ZFYVE1: variants seen among roughly 807,000 people sequenced by gnomAD.
ZFYVE1 encodes zinc finger FYVE domain-containing protein 1.
A neutral mutation model predicts 74.4 loss-of-function variants in ZFYVE1; 30 were observed. The ratio of observed to expected loss-of-function variants is 0.40; its 90% CI spans 0.30 to 0.55. ZFYVE1 has a LOEUF of 0.55. Ranked by LOEUF, ZFYVE1 falls within the 20% of genes least tolerant of loss-of-function variation. The pLI is 0.42. For missense variants in ZFYVE1, 703 were observed against 1,011.6 expected (o/e 0.69, Z 4.14); for synonymous variants, 335 against 385.1 (o/e 0.87, Z 1.52).
rs759890182 is a variant in ZFYVE1, at chr14:72,977,947, T to A, written c.1615A>T (p.Ile539Phe). 6.2e-7 allele frequency: 1 copy of A among 1,613,946 alleles called. No homozygotes were observed. The highest frequency in any genetic ancestry group is 8.5e-7 in the Non-Finnish European group (1 of 1,180,014). The change falls in exon 8 of 12, where the codon ATT (isoleucine) becomes TTT (phenylalanine). Residue 539 changes from isoleucine to phenylalanine, a missense_variant. By Grantham distance (21) the Ile-to-Phe change is conservative (BLOSUM62 0). This residue lies in a region of ZFYVE1 where 492 missense variants were observed against 790.0 expected (regional missense o/e 0.62). Coordinates refer to ENST00000556143, the MANE Select transcript of ZFYVE1 (RefSeq NM_021260.4). ...CTTACTCCAGGCCACACATGCACAA[T>A]CTCTGTCCGCACCACCGTATCCACA... ...DPVDTVVRTEIVHVWPGTDGF... is the reference protein window; with the variant it reads ...DPVDTVVRTEFVHVWPGTDGF...
At chr14:72,971,187 C>G in intron 11 of ZFYVE1, 73 bp from the exon 12 acceptor site, 2 of 1,479,556 alleles carry the variant, frequency 1.4e-6, no homozygotes, top group East Asian at 4.6e-5. Flanking sequence ...AGGCCATCCT[C>G]GGATGCTTAC....
At chr14:73,026,589 C>A (rs1894466010) in intron 1 of ZFYVE1, among the ~76,000 whole-genome samples, 1 of 152,190 alleles carries the variant, frequency 6.6e-6, no homozygotes, top group Non-Finnish European at 1.5e-5. Context: ...GTACACCTCA[C>A]GCCCGGCCAT....
At chr14:73,021,737 G>C (rs144204101) in intron 2 of ZFYVE1, among the ~76,000 whole-genome samples, 1 of 152,154 alleles carries the variant, frequency 6.6e-6, no homozygotes, top group East Asian at 1.9e-4. Context: ...GAGGAAATGT[G>C]GGAAGAATCT....
At chr14:72,986,891 C>G in intron 4 of ZFYVE1, 2 of 985,376 alleles carry the variant, frequency 2.0e-6, no homozygotes, top group Non-Finnish European at 2.4e-6. Flanking sequence ...AAATTCCAAA[C>G]CTCACATCAT....
At chr14:73,008,823 G>A (rs1367463746) in intron 2 of ZFYVE1, among the ~76,000 whole-genome samples, 1 of 152,116 alleles carries the variant, frequency 6.6e-6, no homozygotes, top group African/African-American at 2.4e-5. Context: ...TGATTCTGAG[G>A]GCTAAGAAAG....
chr14:72,974,687 G>T (rs1893119924), intron 10 of ZFYVE1, 92 bp downstream of exon 10: 1 of 1,467,478 alleles, frequency 6.8e-7, no homozygotes, highest in Non-Finnish European at 9.2e-7. Context: ...GGGAGATGTG[G>T]ATTAGGGCAT....
Position 72,974,790 on chromosome 14 carries a change from T to C in ZFYVE1, c.1976A>G (p.Asn659Ser), listed in dbSNP as rs1242249178. 1.9e-6 allele frequency: 3 copies of C among 1,599,654 alleles called. No homozygotes were observed. The highest frequency in any genetic ancestry group is 1.3e-5 in the African/African-American group (1 of 74,654). Residue 659 changes from asparagine (N) to serine (S), a missense_variant, in exon 10 of 12, where the codon AAC (asparagine) becomes AGC (serine). Asn to Ser is a conservative substitution (Grantham distance 46). Coordinates refer to ENST00000556143, the MANE Select transcript of ZFYVE1 (RefSeq NM_021260.4). ...AGGTCCCACGTTACCTAACTGGACGTTCCTGGCTTCGTAGCAGTTGTCACA... is the reference window on the plus strand; with the variant it reads ...AGGTCCCACGTTACCTAACTGGACGCTCCTGGCTTCGTAGCAGTTGTCACA... The part of the protein sequence containing the change: ...RVCDNCYEAR[N>S]VQLAVTEAQV...
rs912977256 is a variant in ZFYVE1, at chr14:73,026,918, G to T, written c.-435+8C>A. The stretch of plus-strand genomic sequence containing the variant: ...CCTGCCCTGCCCGCCGCGGCCCGGG[G>T]ATCCCACCACTGAGAAGCTCGGCCG... On this transcript the variant is annotated splice_region_variant and intron_variant, in intron 1 of 11. Transcript: ENST00000556143. The T allele has an allele frequency of 5.0e-5, 20 of 397,984 alleles. No homozygotes were observed. The highest frequency in any genetic ancestry group is 3.5e-4 in the Admixed American group (8 of 22,676). 24.7% of individuals were successfully genotyped at this position (397,984 alleles called of 1,614,324 possible).
At chr14:73,010,279 A>G (rs1449251563) in intron 2 of ZFYVE1, among the ~76,000 whole-genome samples, 3 of 152,108 alleles carry the variant, frequency 2.0e-5, no homozygotes, top group African/African-American at 7.2e-5. Context: ...TAGGCTGGCC[A>G]TCATGGTGAA....
At chr14:73,006,905 C>T (rs1243436028) in intron 2 of ZFYVE1, among the ~76,000 whole-genome samples, 3 of 151,682 alleles carry the variant, frequency 2.0e-5, no homozygotes, top group Non-Finnish European at 4.4e-5. Context: ...TTAGTAGAGA[C>T]AGGGTTTATG....
chr14:73,027,076 C>G lies in ZFYVE1; in HGVS notation c.-585G>C, dbSNP rs1894480604. ...GTTGCCTCCCGGGCTTCCTCCTCTC[C>G]TGTTGTCAGTTGGGATCAGCTGATC... is the stretch of plus-strand genomic sequence containing the variant. On this transcript the variant is annotated 5_prime_UTR_variant, in exon 1 of 12. Coordinates refer to ENST00000556143, the MANE Select transcript of ZFYVE1 (RefSeq NM_021260.4). 1 of 399,264 alleles carries G rather than the reference C, an allele frequency of 2.5e-6. No homozygotes were observed. The highest frequency in any genetic ancestry group is 1.3e-4 in the South Asian group (1 of 7,886). The allele number at this position is 399,264 out of a possible 1,614,324, so 24.7% of individuals were successfully genotyped here.
At chr14:72,990,109 A>G (rs1893572943) in intron 4 of ZFYVE1, among the ~76,000 whole-genome samples, 1 of 152,234 alleles carries the variant, frequency 6.6e-6, no homozygotes, top group Non-Finnish European at 1.5e-5. Flanking sequence ...TGGCTATTAG[A>G]GTGATAACCA....
At position 73,024,710 on chromosome 14, in the gene ZFYVE1, G is replaced by T; in HGVS notation, c.-202C>A. 1 of 678,528 alleles carries T rather than the reference G, an allele frequency of 1.5e-6. No individual in the cohort carries two copies. Among genetic ancestry groups the T allele is most frequent in the Non-Finnish European group, 2.3e-6 (1 of 437,564 alleles). The allele number at this position is 678,528 out of a possible 1,614,324, so 42.0% of individuals were successfully genotyped here. ...TTAATTTGCTGCCTCTAAGACTCTT[G>T]TATTAGCAGCAACGTTGATTTGGTT... On this transcript the variant is annotated 5_prime_UTR_variant, in exon 2 of 12. Coordinates refer to ENST00000556143, the MANE Select transcript of ZFYVE1 (RefSeq NM_021260.4).
chr14:73,020,818 C>T (rs902128297), intron 2 of ZFYVE1, among the ~76,000 whole-genome samples: 4 of 152,136 alleles, frequency 2.6e-5, no homozygotes, highest in Non-Finnish European at 5.9e-5. Context: ...CTACTGAAAA[C>T]ACAAAAATTA....
chr14:73,008,983 C>T (rs879362884), intron 2 of ZFYVE1, among the ~76,000 whole-genome samples: 5 of 152,188 alleles, frequency 3.3e-5, no homozygotes, highest in Non-Finnish European at 2.9e-5. Flanking sequence ...ACTCTTCCAG[C>T]GCTAAACACC....
At chr14:72,972,195 T>TA (rs755242188) in intron 11 of ZFYVE1, among the ~76,000 whole-genome samples, 1 of 151,512 alleles carries the variant, frequency 6.6e-6, no homozygotes, top group Non-Finnish European at 1.5e-5. Context: ...GCCTGGACAA[T>TA]AGCGAGAGTC....
At position 72,970,052 on chromosome 14, in the gene ZFYVE1, A is replaced by G; in HGVS notation, c.*830T>C. ...CGAGGGGTGGGAGGCAGATGCTTCGATTGAGGAGCTGGGTGCCGCCTTTTG... is the reference window on the plus strand; with the variant it reads ...CGAGGGGTGGGAGGCAGATGCTTCGGTTGAGGAGCTGGGTGCCGCCTTTTG... On this transcript the variant is annotated 3_prime_UTR_variant, in exon 12 of 12. Coordinates refer to ENST00000556143, the MANE Select transcript of ZFYVE1 (RefSeq NM_021260.4). 2.7e-6 allele frequency: 1 copy of G among 364,322 alleles called. No individual in the cohort carries two copies. Among genetic ancestry groups the G allele is most frequent in the Admixed American group, 4.4e-5 (1 of 22,530 alleles). The allele number at this position is 364,322 out of a possible 1,614,324, so 22.6% of individuals were successfully genotyped here.
At chr14:73,021,487 T>C (rs1489600779) in intron 2 of ZFYVE1, among the ~76,000 whole-genome samples, 2 of 152,272 alleles carry the variant, frequency 1.3e-5, no homozygotes, top group Non-Finnish European at 2.9e-5. Context: ...AACATGGTCC[T>C]GCTCTCCAGT....
intron 2 of ZFYVE1, among the ~76,000 whole-genome samples, chr14:73,020,028 G>A (rs765632782): frequency 6.6e-6 from 1 of 151,868 alleles, no homozygotes; most frequent in African/African-American, 2.4e-5. Context: ...AGGCCAAGGC[G>A]GGCAGGTCAC....
Sources: gnomAD v4.1 joint callset for allele counts (sites outside exome capture counted in the v4.1 genomes callset) on GRCh38, gnomAD v4.1.1 for gene constraint, gnomAD v4.1.1 regional missense constraint, MANE v1.5 for transcripts, NCBI Gene and HGNC (gene_info 2026-07-23, HGNC 2026-07-21) for gene names.